Variants in PIWIL2 observed in about 807,000 individuals in gnomAD.
PIWIL2 encodes the protein piwi-like protein 2.
Under a neutral mutation model 116.5 loss-of-function variants are expected in PIWIL2, and 81 were observed. That is an observed-to-expected ratio of 0.70 (90% CI 0.58 to 0.84). The LOEUF is 0.84. Ranked by LOEUF, PIWIL2 falls within the 40% of genes least tolerant of loss-of-function variation. The pLI is 0.00. For synonymous variants in PIWIL2, 489 were observed against 429.5 expected (o/e 1.14, Z -1.71); for missense variants, 1,272 against 1,212.3 (o/e 1.05, Z -0.73).
At chr8:22,304,000 G>C (rs1831114398) in intron 10 of PIWIL2, 21 bp from the exon 11 acceptor site, 2 of 1,568,948 alleles carry the variant, frequency 1.3e-6, no homozygotes, top group Non-Finnish European at 1.7e-6. Context: ...TGATCCAAAA[G>C]TCTTTTATCT....
intron 14 of PIWIL2, among the ~76,000 whole-genome samples, chr8:22,309,667 T>A (rs945921859): frequency 1.3e-5 from 2 of 152,256 alleles, no homozygotes; most frequent in Non-Finnish European, 2.9e-5. Flanking sequence ...AAGATTGTTT[T>A]CCTTTATTCA....
chr8:22,298,034 A>G (rs1830953143), intron 10 of PIWIL2, among the ~76,000 whole-genome samples: 1 of 152,166 alleles, frequency 6.6e-6, no homozygotes, highest in Non-Finnish European at 1.5e-5. Flanking sequence ...AGGAGGGTGG[A>G]TTGGTTGAGC....
At chr8:22,287,790 T>C (rs905740684) in intron 7 of PIWIL2, 145 bp downstream of exon 7, 5 of 641,932 alleles carry the variant, frequency 7.8e-6, no homozygotes. Context: ...TACAGGCGTG[T>C]GAGCCACTTC....
chr8:22,326,313 G>T (rs909195484), intron 20 of PIWIL2, among the ~76,000 whole-genome samples: 1 of 152,038 alleles, frequency 6.6e-6, no homozygotes, highest in Non-Finnish European at 1.5e-5. Flanking sequence ...TTGAGCTCAG[G>T]AATATGAGAC....
intron 17 of PIWIL2, 44 bp from the exon 18 acceptor site, chr8:22,314,985 T>C (rs779380406): frequency 7.7e-6 from 8 of 1,038,420 alleles, no homozygotes; most frequent in South Asian, 5.1e-5. Context: ...GAGAGGTTGA[T>C]AGTGACCTGC....
intron 20 of PIWIL2, among the ~76,000 whole-genome samples, chr8:22,332,539 T>C (rs1739905097): frequency 6.6e-6 from 1 of 152,042 alleles, no homozygotes; most frequent in African/African-American, 2.4e-5. Flanking sequence ...TCTAGGCACA[T>C]TATAACACTG....
chr8:22,323,060 C>T (rs1003162045), intron 20 of PIWIL2, among the ~76,000 whole-genome samples: 2 of 150,780 alleles, frequency 1.3e-5, no homozygotes, highest in Non-Finnish European at 2.9e-5. Flanking sequence ...ACCACAGGCA[C>T]ACACCACCAC....
intron 18 of PIWIL2, 25 bp from the exon 19 acceptor site, chr8:22,316,220 T>C: frequency 6.6e-7 from 1 of 1,515,888 alleles, no homozygotes. Context: ...TGGGGTTTGG[T>C]TTTTGTTTTT....
chr8:22,294,902 A>AC (rs1336509761), intron 10 of PIWIL2, among the ~76,000 whole-genome samples: 1 of 117,142 alleles, frequency 8.5e-6, no homozygotes, highest in African/African-American at 3.4e-5. Flanking sequence ...CTTTACTGGA[A>AC]AAAAAAAAAA....
chr8:22,334,374 T>C (rs1006562469), intron 20 of PIWIL2, among the ~76,000 whole-genome samples: 12 of 151,694 alleles, frequency 7.9e-5, no homozygotes, highest in African/African-American at 2.9e-4. Flanking sequence ...ATACAAAAAT[T>C]AGCTGGGCAT....
rs1163336978 is a variant in PIWIL2 at position 22,304,974 on chromosome 8, G to A, written c.1455+106G>A. 4.0e-6 allele frequency: 3 copies of A among 748,584 alleles called. No individual in the cohort carries two copies. The East Asian group carries it at 7.7e-5, about 19-fold the overall frequency. 46.4% of individuals were successfully genotyped at this position (748,584 alleles called of 1,614,324 possible). A position where few individuals can be genotyped will look rare whatever the true frequency, so the allele number is the denominator to read the frequency against. On this transcript the variant is annotated intron_variant, in intron 12 of 22. Coordinates refer to ENST00000356766, the MANE Select transcript of PIWIL2 (RefSeq NM_018068.5). ...TGGGAGCTGTGGAGTAGCAATCGTA[G>A]TGTAGTTGCGGAAAGCTGTGCAAGT... is the stretch of plus-strand genomic sequence containing the variant.
At chr8:22,316,861 C>T (rs977945798) in intron 19 of PIWIL2, among the ~76,000 whole-genome samples, 1 of 151,484 alleles carries the variant, frequency 6.6e-6, no homozygotes, top group African/African-American at 2.4e-5. Flanking sequence ...GATCACAGCT[C>T]ACTGCAACCT....
intron 21 of PIWIL2, 121 bp downstream of exon 21, chr8:22,353,333 C>T (rs1036527042): frequency 1.0e-5 from 9 of 865,588 alleles, no homozygotes; most frequent in African/African-American, 8.5e-5. Context: ...GAGAGGCTAC[C>T]GTTAAAAGAA....
At chr8:22,353,300 G>T (rs1254836004) in intron 21 of PIWIL2, 88 bp downstream of exon 21, 12 of 1,163,704 alleles carry the variant, frequency 1.0e-5, no homozygotes, top group Non-Finnish European at 1.5e-5. Flanking sequence ...AGGTTTCCTG[G>T]AGAGTTGTGG....
rs775585346 is a variant in PIWIL2 at position 22,281,190 on chromosome 8, G to A, written c.269G>A (p.Arg90Gln). ...ACAGTTTCTAAGACCCCTCTGAAACGGGAAATGCTTCCATCAGGTATGTGG... is the reference window on the plus strand; with the variant it reads ...ACAGTTTCTAAGACCCCTCTGAAACAGGAAATGCTTCCATCAGGTATGTGG... ...IETVSKTPLK[R>Q]EMLPSGRGIL... The change falls in exon 3 of 23, where the codon CGG becomes CAG. Residue 90 changes from arginine (R) to glutamine (Q), a missense_variant. Arg to Gln is a conservative substitution (Grantham distance 43). Transcript: ENST00000356766. 14 of 1,611,172 alleles carry A rather than the reference G, an allele frequency of 8.7e-6. No homozygotes were observed. Among genetic ancestry groups the A allele is most frequent in the Admixed American group, 8.4e-5 (5 of 59,640 alleles).
At chr8:22,347,391 A>AT (rs200340311) in intron 20 of PIWIL2, among the ~76,000 whole-genome samples, 2 of 148,720 alleles carry the variant, frequency 1.3e-5, no homozygotes, top group African/African-American at 2.5e-5. Context: ...ATATTTTTGT[A>AT]TTTTTTTAGT....
At chr8:22,347,185 A>C (rs2132105560) in intron 20 of PIWIL2, among the ~76,000 whole-genome samples, 1 of 151,698 alleles carries the variant, frequency 6.6e-6, no homozygotes, top group African/African-American at 2.4e-5. Flanking sequence ...AAAAAAAAAA[A>C]AAGTAGCAAA....
intron 8 of PIWIL2, among the ~76,000 whole-genome samples, chr8:22,289,552 T>A (rs971080186): frequency 6.6e-6 from 1 of 152,252 alleles, no homozygotes; most frequent in South Asian, 2.1e-4. Context: ...CTGTCTTGCA[T>A]TCTTCGTAGT....
rs1832409187 is a variant in PIWIL2 at position 22,353,051 on chromosome 8, A to G, written c.2496A>G (p.Gln832=). The G allele has an allele frequency of 6.2e-7, 1 of 1,614,058 alleles. No homozygotes were observed. Among genetic ancestry groups the G allele is most frequent in the Admixed American group, 1.7e-5 (1 of 60,008 alleles). Reference sequence around the variant, plus strand: ...CAGTTGCCAACTATGAGATTCCTCAACTACAGAAGTGTTTTGAAGCTTTTG... The same window carrying G: ...CAGTTGCCAACTATGAGATTCCTCAGCTACAGAAGTGTTTTGAAGCTTTTG... The part of the protein sequence containing the change: ...LKTVANYEIP[Q]LQKCFEAFEN... The change falls in exon 21 of 23, where the codon CAA becomes CAG. Residue 832 remains glutamine (Q), a synonymous_variant. Coordinates refer to ENST00000356766, the MANE Select transcript of PIWIL2 (RefSeq NM_018068.5).
Sources: gnomAD v4.1 joint callset for allele counts (sites outside exome capture counted in the v4.1 genomes callset) on GRCh38, gnomAD v4.1.1 for gene constraint, MANE v1.5 for transcripts, NCBI Gene and HGNC (gene_info 2026-07-23, HGNC 2026-07-21) for gene names.